The following TNR variants were observed in gnomAD, a reference collection of about 807,000 sequenced individuals.
TNR encodes tenascin-R.
Under a neutral mutation model 150.4 loss-of-function variants are expected in TNR, and 45 were observed. The ratio of observed to expected loss-of-function variants is 0.30; its 90% confidence interval spans 0.24 to 0.38. The LOEUF (loss-of-function observed/expected upper bound fraction) is 0.38. Among genes scored for constraint, TNR ranks in the 10% least tolerant of loss-of-function variants. The probability of loss-of-function intolerance (pLI) is 1.00; values close to 1 mark genes in which losing one functional copy is unlikely to be tolerated. For missense variants in TNR, 1,544 were observed against 1,759.1 expected (o/e 0.88, Z 2.19); for synonymous variants, 687 against 678.4 (o/e 1.01, Z -0.20).
chr1:175,514,579 C>A (rs193171835), intron 2 of TNR, among the ~76,000 whole-genome samples: 1 of 152,322 alleles, frequency 6.6e-6, no homozygotes, highest in East Asian at 1.9e-4. Flanking sequence ...GGGAAACAGT[C>A]TGAGAAGTTT....
intron 8 of TNR, among the ~76,000 whole-genome samples, chr1:175,381,414 T>C (rs1234163071): frequency 6.6e-6 from 1 of 152,250 alleles, no homozygotes; most frequent in Non-Finnish European, 1.5e-5. Context: ...TTTGTATTTT[T>C]GATCATAGGG....
intron 2 of TNR, among the ~76,000 whole-genome samples, chr1:175,439,586 GC>G (rs1382385780): frequency 6.6e-6 from 1 of 152,098 alleles, no homozygotes; most frequent in Non-Finnish European, 1.5e-5. Flanking sequence ...GAGTGAACAG[GC>G]AACCTACAGA....
At chr1:175,426,970 A>T (rs1176316409) in intron 2 of TNR, among the ~76,000 whole-genome samples, 1 of 137,502 alleles carries the variant, frequency 7.3e-6, no homozygotes, top group Non-Finnish European at 1.5e-5. Context: ...AAAATATATT[A>T]TATATATATT....
chr1:175,526,453 G>T (rs1021183641), intron 2 of TNR, among the ~76,000 whole-genome samples: 2 of 152,130 alleles, frequency 1.3e-5, no homozygotes, highest in African/African-American at 4.8e-5. Flanking sequence ...GAGAATCACA[G>T]ACCTTTAGAG....
chr1:175,392,059 T>A (rs1387157513), intron 6 of TNR, among the ~76,000 whole-genome samples: 1 of 151,834 alleles, frequency 6.6e-6, no homozygotes, highest in African/African-American at 2.4e-5. Flanking sequence ...ACATATGAAG[T>A]ACAAAGAAAG....
At chr1:175,539,321 G>A in intron 1 of TNR, 1 of 152,230 alleles carries the variant, frequency 6.6e-6, no homozygotes, top group Middle Eastern at 3.2e-3. Context: ...TGAGAAAGAA[G>A]CTCACAGCCC....
chr1:175,528,604 A>C (rs1659942119), intron 1 of TNR, among the ~76,000 whole-genome samples: 1 of 152,232 alleles, frequency 6.6e-6, no homozygotes. Context: ...AAAGGAAAAT[A>C]TTTGAGGTAA....
intron 1 of TNR, among the ~76,000 whole-genome samples, chr1:175,552,053 A>C (rs1410807956): frequency 6.6e-6 from 1 of 152,256 alleles, no homozygotes; most frequent in Non-Finnish European, 1.5e-5. Context: ...TAAATGGCTA[A>C]AAGTTGTTGC....
chr1:175,594,254 T>A (rs1250227760), intron 1 of TNR, among the ~76,000 whole-genome samples: 1 of 152,000 alleles, frequency 6.6e-6, no homozygotes. Flanking sequence ...TTTTTTCAGT[T>A]CTCTGAATCT....
intron 1 of TNR, among the ~76,000 whole-genome samples, chr1:175,633,248 A>AT (rs1187593584): frequency 5.9e-5 from 9 of 151,732 alleles, no homozygotes; most frequent in Non-Finnish European, 5.9e-5. Flanking sequence ...GTCTTTATGG[A>AT]TTTTCTCCTT....
chr1:175,605,486 G>A (rs1162101075), intron 1 of TNR, among the ~76,000 whole-genome samples: 1 of 152,128 alleles, frequency 6.6e-6, no homozygotes, highest in African/African-American at 2.4e-5. Context: ...TACATCAAAG[G>A]TGAACAAAAA....
rs552892482 is a variant in TNR, at chr1:175,740,325, AC to A, written c.-165+2900del. ...GAGAAATTGGAAAGAAGCACAGGGAACTTTTATACATCTTTTTTGGGGTATA... is the reference window on the plus strand; with the variant it reads ...GAGAAATTGGAAAGAAGCACAGGGAATTTTATACATCTTTTTTGGGGTATA... On this transcript the variant is annotated intron_variant, in intron 1 of 22. Coordinates refer to ENST00000367674, the MANE Select transcript of TNR (RefSeq NM_003285.3). Among the ~76,000 whole-genome samples, 54 of 152,346 alleles carry A rather than the reference AC, an allele frequency of 3.5e-4. 1 individual carries two copies. In the South Asian group the frequency reaches 9.1e-3, roughly 26 times the overall value.
chr1:175,565,205 G>A (rs1274677375), intron 1 of TNR, among the ~76,000 whole-genome samples: 2 of 152,178 alleles, frequency 1.3e-5, no homozygotes, highest in Non-Finnish European at 2.9e-5. Flanking sequence ...TTGTTTCTGA[G>A]GGTGCTGTCT....
At chr1:175,559,172 C>T (rs1661312868) in intron 1 of TNR, among the ~76,000 whole-genome samples, 1 of 152,112 alleles carries the variant, frequency 6.6e-6, no homozygotes, top group Admixed American at 6.5e-5. Flanking sequence ...GAGAAACTAG[C>T]TAATGGATAT....
chr1:175,352,449 G>A (rs754279061), intron 18 of TNR, among the ~76,000 whole-genome samples: 2 of 152,222 alleles, frequency 1.3e-5, no homozygotes, highest in Non-Finnish European at 2.9e-5. Flanking sequence ...TCAATGGAAA[G>A]CTCCAACCCG....
intron 11 of TNR, 28 bp downstream of exon 11, chr1:175,365,847 C>A (rs200613422): frequency 6.2e-7 from 1 of 1,602,724 alleles, no homozygotes; most frequent in African/African-American, 1.3e-5. Flanking sequence ...ATCCCTGAAC[C>A]TGGCTGGGAT....
chr1:175,529,328 T>C (rs566470882), intron 1 of TNR, among the ~76,000 whole-genome samples: 3 of 152,320 alleles, frequency 2.0e-5, no homozygotes, highest in East Asian at 1.9e-4. Flanking sequence ...GGCTTGCTCA[T>C]CTAAGACATC....
intron 1 of TNR, among the ~76,000 whole-genome samples, chr1:175,714,728 G>A (rs2101939106): frequency 6.6e-6 from 1 of 152,288 alleles, no homozygotes; most frequent in East Asian, 1.9e-4. Flanking sequence ...CAATTCATCA[G>A]GGCCTCAACT....
chr1:175,577,896 A>C (rs966951085), intron 1 of TNR, among the ~76,000 whole-genome samples: 2 of 152,178 alleles, frequency 1.3e-5, no homozygotes, highest in African/African-American at 4.8e-5. Context: ...GCAGATAACT[A>C]AGAGTGGGTT....
Sources: allele counts gnomAD v4.1 joint callset (sites outside exome capture counted in the v4.1 genomes callset), GRCh38; gene constraint gnomAD v4.1.1; transcripts MANE v1.5; gene names NCBI Gene and HGNC (gene_info 2026-07-23, HGNC 2026-07-21).